Variants in DDA1 observed in about 807,000 individuals in gnomAD.
The protein encoded by DDA1 is DET1 and DDB1 associated 1, also known as DET1- and DDB1-associated protein 1.
Under a neutral mutation model 18.6 loss-of-function variants are expected in DDA1, and 3 were observed. That is an observed-to-expected ratio of 0.16 (90% CI 0.07 to 0.42). DDA1 has a LOEUF of 0.42. DDA1 is among the 10% of genes least tolerant of loss of function. DDA1 has a pLI of 0.99. For synonymous variants in DDA1, 52 were observed against 54.0 expected (o/e 0.96, Z 0.17); for missense variants, 105 against 138.2 (o/e 0.76, Z 1.20).
At chr19:17,309,794 C>T in intron 1 of DDA1, 137 bp downstream of exon 1, 2 of 1,166,020 alleles carry the variant, frequency 1.7e-6, no homozygotes, top group Non-Finnish European at 2.4e-6. Flanking sequence ...CTCCCACTCA[C>T]CTGTGACCTT....
rs538157290 is a variant in DDA1, at chr19:17,314,180, G to T, written c.84+77G>T. On this transcript the variant is annotated intron_variant, in intron 2 of 4. Transcript: ENST00000359866. This position sits in a 1 kb window ranked among gnomAD's most constrained non-coding sequence, Gnocchi z 4.6. ...GGGGGCAGCTTGTGTCCCCCGATTG[G>T]GGTCTTGGCTGGAACAGAGGCTGAT... The T allele has an allele frequency of 1.5e-5, 23 of 1,575,782 alleles. No homozygotes were observed. The South Asian group carries it at 2.0e-4, about 14-fold the overall frequency.
rs2074233692 is a variant in DDA1, at chr19:17,320,216, T to C, written c.*560T>C. 6.5e-6 allele frequency: 1 copy of C among 152,736 alleles called. No homozygotes were observed. Among genetic ancestry groups the C allele is most frequent in the Non-Finnish European group, 1.5e-5 (1 of 68,394 alleles). The allele number at this position is 152,736 out of a possible 1,614,324, so 9.5% of individuals were successfully genotyped here. Reference sequence around the variant, plus strand: ...GGGGAGAAGTCGGCCCTTGGGATCTTTCTCTTGAGTCATTTTATTTTTATC... The same window carrying C: ...GGGGAGAAGTCGGCCCTTGGGATCTCTCTCTTGAGTCATTTTATTTTTATC... On this transcript the variant is annotated 3_prime_UTR_variant, in exon 5 of 5. Coordinates refer to ENST00000359866, the MANE Select transcript of DDA1 (RefSeq NM_024050.6).
chr19:17,319,850 C>T lies in DDA1; in HGVS notation c.*194C>T, dbSNP rs2074231489. The T allele has an allele frequency of 1.8e-6, 1 of 568,840 alleles. No homozygotes were observed. Among genetic ancestry groups the T allele is most frequent in the East Asian group, 3.0e-5 (1 of 33,706 alleles). The allele number at this position is 568,840 out of a possible 1,614,324, so 35.2% of individuals were successfully genotyped here. A position where few individuals can be genotyped will look rare whatever the true frequency, so the allele number is the denominator to read the frequency against. ...TTTTTATTTATGCTGTAACCTGTAT[C>T]AAGCGTTGGTTAAAGGGGACATCAG... On this transcript the variant is annotated 3_prime_UTR_variant, in exon 5 of 5. Coordinates refer to ENST00000359866, the MANE Select transcript of DDA1 (RefSeq NM_024050.6).
intron 1 of DDA1, among the ~76,000 whole-genome samples, chr19:17,312,446 G>A (rs2074183613): frequency 6.6e-6 from 1 of 152,112 alleles, no homozygotes; most frequent in African/African-American, 2.4e-5. Context: ...GCCACATGGA[G>A]GCATGAGGGG....
chr19:17,313,015 G>A (rs190761126), intron 1 of DDA1, among the ~76,000 whole-genome samples: 6 of 152,286 alleles, frequency 3.9e-5, no homozygotes, highest in African/African-American at 1.2e-4. Flanking sequence ...GGACACTGCT[G>A]TTCCTGCCTG....
Position 17,314,975 on chromosome 19 carries a change from G to A in DDA1, c.136+586G>A, listed in dbSNP as rs897168110. The stretch of plus-strand genomic sequence containing the variant: ...CTCCACACCAGGTGGGGTAGCTCCC[G>A]CCTGTAATCCCAGCACTTTGGGAGG... On this transcript the variant is annotated intron_variant, in intron 3 of 4. Transcript: ENST00000359866. The surrounding 1 kb of genome is among the most constrained non-coding windows in gnomAD (Gnocchi z 4.6). Among the ~76,000 whole-genome samples the A allele has an allele frequency of 1.3e-5, 2 of 151,758 alleles. No homozygotes were observed.
chr19:17,315,134 C>CGTGT (rs2074197182), intron 3 of DDA1, among the ~76,000 whole-genome samples: 1 of 85,174 alleles, frequency 1.2e-5, no homozygotes, highest in East Asian at 2.4e-4. Context: ...TATATACACA[C>CGTGT]ATATATATAC....
In DDA1 at chr19:17,319,931, G is replaced by A. The variant is rs911171788; in HGVS notation, c.*275G>A. The A allele has an allele frequency of 4.0e-5, 14 of 352,768 alleles. No individual in the cohort carries two copies. Among genetic ancestry groups the A allele is most frequent in the Non-Finnish European group, 4.7e-5 (9 of 191,932 alleles). The allele number at this position is 352,768 out of a possible 1,614,324, so 21.9% of individuals were successfully genotyped here. ...TTAAAAAAAACAACATTGTCCCCCCGACCCCCGCCTTCCATCGGGCCAGTT... is the reference window on the plus strand; with the variant it reads ...TTAAAAAAAACAACATTGTCCCCCCAACCCCCGCCTTCCATCGGGCCAGTT... On this transcript the variant is annotated 3_prime_UTR_variant, in exon 5 of 5. Transcript: ENST00000359866.
rs117703583 is a variant in DDA1, at chr19:17,322,906, C to G, written c.*3250C>G. On this transcript the variant is annotated 3_prime_UTR_variant, in exon 5 of 5. Coordinates refer to ENST00000359866, the MANE Select transcript of DDA1 (RefSeq NM_024050.6). ...GAAGGGGCCACGTCTTGCAAACCAC[C>G]GCGCTGTCCTCTTTGAGAAGGAGTC... The G allele has an allele frequency of 5.3e-5, 8 of 152,262 alleles. No homozygotes were observed. The highest frequency in any genetic ancestry group is 3.3e-4 in the Admixed American group (5 of 15,282). The allele number at this position is 152,262 out of a possible 1,614,324, so 9.4% of individuals were successfully genotyped here.
At chr19:17,315,833 G>C in intron 3 of DDA1, 101 bp from the exon 4 acceptor site, 2 of 1,064,052 alleles carry the variant, frequency 1.9e-6, no homozygotes, top group Non-Finnish European at 2.9e-6. Context: ...CTGGAGTTGG[G>C]GGTACTGAGT....
chr19:17,316,122 C>T, intron 4 of DDA1, 127 bp downstream of exon 4: 1 of 1,048,940 alleles, frequency 9.5e-7, no homozygotes, highest in South Asian at 1.3e-5. Context: ...GTAGGAGTGC[C>T]CTGGGCGATC....
chr19:17,322,528 T>G lies in DDA1; in HGVS notation c.*2872T>G, dbSNP rs1273300444. 1 of 152,536 alleles carries G rather than the reference T, an allele frequency of 6.6e-6. No individual in the cohort carries two copies. The highest frequency in any genetic ancestry group is 2.4e-5 in the African/African-American group (1 of 41,466). The allele number at this position is 152,536 out of a possible 1,614,324, so 9.4% of individuals were successfully genotyped here. A position where few individuals can be genotyped will look rare whatever the true frequency, so the allele number is the denominator to read the frequency against. Reference sequence around the variant, plus strand: ...CTCCCAAAGGGCCCCTTGCTCACACTGGCCCAGCCCTGCAGCATGGCCATG... The same window carrying G: ...CTCCCAAAGGGCCCCTTGCTCACACGGGCCCAGCCCTGCAGCATGGCCATG... On this transcript the variant is annotated 3_prime_UTR_variant, in exon 5 of 5. Transcript: ENST00000359866.
In DDA1 at chr19:17,309,598, T is replaced by A. The variant is rs943462046; in HGVS notation, c.-57T>A. ...GAGGCGGCGGCTAAGAAGGCGGCTCTGGTGGCGGCGGTGGAGGCTGAGGCG... is the reference window on the plus strand; with the variant it reads ...GAGGCGGCGGCTAAGAAGGCGGCTCAGGTGGCGGCGGTGGAGGCTGAGGCG... On this transcript the variant is annotated 5_prime_UTR_variant, in exon 1 of 5. Coordinates refer to ENST00000359866, the MANE Select transcript of DDA1 (RefSeq NM_024050.6). The A allele has an allele frequency of 1.3e-6, 2 of 1,588,142 alleles. No individual in the cohort carries two copies. Among genetic ancestry groups the A allele is most frequent in the Non-Finnish European group, 1.7e-6 (2 of 1,158,150 alleles).
rs181509724 is a variant in DDA1 at position 17,315,058 on chromosome 19, T to G, written c.136+669T>G. Among the ~76,000 whole-genome samples, 15 of 140,036 alleles carry G rather than the reference T, an allele frequency of 1.1e-4. No homozygotes were observed. The East Asian group carries it at 3.0e-3, about 28-fold the overall frequency. 91.9% of individuals were successfully genotyped at this position (140,036 alleles called of 152,430 possible). A position where few individuals can be genotyped will look rare whatever the true frequency, so the allele number is the denominator to read the frequency against. ...TCGAGACCAGCCTGAGCAACATAGT[T>G]AGACCCTGTTTCACCAAAAACCATA... On this transcript the variant is annotated intron_variant, in intron 3 of 4. Transcript: ENST00000359866.
In DDA1 at chr19:17,314,721, C is replaced by A; in HGVS notation, c.136+332C>A. 2.7e-6 allele frequency: 1 copy of A among 370,710 alleles called. No individual in the cohort carries two copies. Among genetic ancestry groups the A allele is most frequent in the South Asian group, 2.7e-5 (1 of 36,794 alleles). 23.0% of individuals were successfully genotyped at this position (370,710 alleles called of 1,614,324 possible). A position where few individuals can be genotyped will look rare whatever the true frequency, so the allele number is the denominator to read the frequency against. On this transcript the variant is annotated intron_variant, in intron 3 of 4. Coordinates refer to ENST00000359866, the MANE Select transcript of DDA1 (RefSeq NM_024050.6). The surrounding 1 kb of genome is among the most constrained non-coding windows in gnomAD (Gnocchi z 4.6). ...AGCCCAAAGGGGCCCCCAAGTTGTC[C>A]CTCATCTGCCACTCACTGGTCCTTT...
intron 1 of DDA1, among the ~76,000 whole-genome samples, chr19:17,312,357 G>T (rs7246105): frequency 0.01 from 1,593 of 152,294 alleles, 25 homozygotes; most frequent in African/African-American, 0.036. Flanking sequence ...GGGAGGCTCT[G>T]GGAGAGGCTC....
chr19:17,312,643 A>G (rs1278572538), intron 1 of DDA1, among the ~76,000 whole-genome samples: 1 of 152,058 alleles, frequency 6.6e-6, no homozygotes, highest in Non-Finnish European at 1.5e-5. Context: ...TGCACCTCAC[A>G]CTGCGCCCTC....
In DDA1 at chr19:17,323,049, C is replaced by A. The variant is rs1388370425; in HGVS notation, c.*3393C>A. 1 of 152,300 alleles carries A rather than the reference C, an allele frequency of 6.6e-6. No homozygotes were observed. Among genetic ancestry groups the A allele is most frequent in the African/African-American group, 2.4e-5 (1 of 41,468 alleles). The allele number at this position is 152,300 out of a possible 1,614,324, so 9.4% of individuals were successfully genotyped here. A position where few individuals can be genotyped will look rare whatever the true frequency, so the allele number is the denominator to read the frequency against. On this transcript the variant is annotated 3_prime_UTR_variant, in exon 5 of 5. Coordinates refer to ENST00000359866, the MANE Select transcript of DDA1 (RefSeq NM_024050.6). Reference sequence around the variant, plus strand: ...GTTGGCCTCCAAATCTGGGCCGTCTCAGAGGCGGCGCAGCCTGGAGTTTTC... The same window carrying A: ...GTTGGCCTCCAAATCTGGGCCGTCTAAGAGGCGGCGCAGCCTGGAGTTTTC...
intron 3 of DDA1, among the ~76,000 whole-genome samples, chr19:17,315,428 G>GTATATATATATATATA (rs1568354197): frequency 1.4e-4 from 10 of 71,354 alleles, no homozygotes; most frequent in African/African-American, 3.8e-4. Context: ...GTGTGTGTGT[G>GTATATATATATATATA]CATATATATA....
Sources: allele counts gnomAD v4.1 joint callset (sites outside exome capture counted in the v4.1 genomes callset), GRCh38; gene constraint gnomAD v4.1.1; non-coding constraint Gnocchi (gnomAD v3.1); transcripts MANE v1.5; gene names NCBI Gene and HGNC (gene_info 2026-07-23, HGNC 2026-07-21).